ARRDC5: variants seen among roughly 807,000 people sequenced by gnomAD.
ARRDC5 encodes the protein arrestin domain-containing protein 5.
ARRDC5 carries 12 observed loss-of-function variants against 13.3 expected under a neutral mutation model. That is an observed-to-expected ratio of 0.90 (90% CI 0.58 to 1.46). The LOEUF (loss-of-function observed/expected upper bound fraction) is 1.46. ARRDC5 is among the 40% of genes most tolerant of loss of function. ARRDC5 has a pLI of 0.00. For missense variants in ARRDC5, 406 were observed against 418.7 expected (o/e 0.97, Z 0.26); for synonymous variants, 181 against 173.4 (o/e 1.04, Z -0.34).
At chr19:4,914,771 C>T in the ARRDC5 span, among the ~76,000 whole-genome samples, 10 of 152,130 alleles carry the variant, frequency 6.6e-5, no homozygotes, top group Non-Finnish European at 1.2e-4. Context: ...ATCCCTGGCC[C>T]GCGACTCGCC....
the ARRDC5 span, among the ~76,000 whole-genome samples, chr19:4,912,673 A>T: frequency 6.6e-6 from 1 of 152,144 alleles, no homozygotes; most frequent in African/African-American, 2.4e-5. Flanking sequence ...TAAGTTGCAG[A>T]CACCAGTCCA....
At position 4,902,461 on chromosome 19, in the gene ARRDC5, C is replaced by A. The variant is rs184322718; in HGVS notation, c.253+112G>T. On this transcript the variant is annotated intron_variant, in intron 1 of 2. Transcript: ENST00000650722. ...CCTCCCTCCTAGGGAGAAATCAGGC[C>A]ACTCCCTATTTCTGATAGCCCTAGA... is the stretch of plus-strand genomic sequence containing the variant. 9.7e-6 allele frequency: 10 copies of A among 1,033,774 alleles called. No homozygotes were observed. The East Asian group carries it at 1.9e-4, about 20-fold the overall frequency. 64.0% of individuals were successfully genotyped at this position (1,033,774 alleles called of 1,614,324 possible). A position where few individuals can be genotyped will look rare whatever the true frequency, so the allele number is the denominator to read the frequency against.
At chr19:4,910,135 G>C in the ARRDC5 span, 5 of 152,154 alleles carry the variant, frequency 3.3e-5, no homozygotes, top group African/African-American at 1.2e-4. Context: ...CCCGGCGGCG[G>C]GGGTGGGCGT....
the ARRDC5 span, among the ~76,000 whole-genome samples, chr19:4,912,611 CTCTG>C: frequency 7.2e-5 from 11 of 152,312 alleles, no homozygotes; most frequent in African/African-American, 1.7e-4. Context: ...TCTTGAAGCG[CTCTG>C]TCTTTCTCTC....
At chr19:4,897,493 G>A (rs2031774240) in intron 1 of ARRDC5, among the ~76,000 whole-genome samples, 1 of 152,114 alleles carries the variant, frequency 6.6e-6, no homozygotes, top group African/African-American at 2.4e-5. Context: ...TGGAAGTCAG[G>A]CCTTCAGGGT....
chr19:4,892,499 G>T (rs945627390), intron 2 of ARRDC5, among the ~76,000 whole-genome samples: 1 of 150,900 alleles, frequency 6.6e-6, no homozygotes. Context: ...CAAGTAGCAG[G>T]GACCACAGGC....
At chr19:4,893,999 G>A (rs1372412614) in intron 2 of ARRDC5, among the ~76,000 whole-genome samples, 1 of 147,702 alleles carries the variant, frequency 6.8e-6, no homozygotes, top group Non-Finnish European at 1.5e-5. Context: ...AGTGAGCCGA[G>A]ATAGCGCCAC....
rs780849327 is a variant in ARRDC5 at position 4,896,744 on chromosome 19, T to C, written c.386A>G (p.His129Arg). 2 of 1,613,896 alleles carry C rather than the reference T, an allele frequency of 1.2e-6. No homozygotes were observed. The highest frequency in any genetic ancestry group is 1.7e-5 in the Admixed American group (1 of 59,988). ...FVQASCMGRE[H>R]ILAKKRMYLL... is the part of the protein sequence containing the mutation. Reference sequence around the variant, plus strand: ...GTACATCCTCTTCTTGGCTAAAATGTGTTCCCTGCCCATGCAGGAAGCTTG... The same window carrying C: ...GTACATCCTCTTCTTGGCTAAAATGCGTTCCCTGCCCATGCAGGAAGCTTG... The change falls in exon 2 of 3, where the codon CAC becomes CGC. Residue 129 changes from histidine (H) to arginine (R), a missense_variant. His to Arg is a conservative substitution (Grantham distance 29). Coordinates refer to ENST00000650722, the MANE Select transcript of ARRDC5 (RefSeq NM_001080523.3).
intron 2 of ARRDC5, among the ~76,000 whole-genome samples, chr19:4,896,327 A>AT (rs1244498156): frequency 0.011 from 766 of 69,950 alleles, 22 homozygotes; most frequent in East Asian, 0.028. Flanking sequence ...AAAAAAAAAA[A>AT]AAATATATAT....
At chr19:4,896,351 T>A (rs1246320659) in intron 2 of ARRDC5, among the ~76,000 whole-genome samples, 1,475 of 39,928 alleles carry the variant, frequency 0.037, 86 homozygotes, top group African/African-American at 0.084. Context: ...TATATATATT[T>A]TTTTTTTTTT....
rs56397336 is a variant in ARRDC5 at position 4,896,360 on chromosome 19, TTAC to T, written c.459+308_459+310del. ...TATATATATATATATTTTTTTTTTT[TTAC>T]ACACACACACACACACACACACACA... On this transcript the variant is annotated intron_variant, in intron 2 of 2. Transcript: ENST00000650722. Among the ~76,000 whole-genome samples the T allele has an allele frequency of 7.6e-3, 535 of 70,236 alleles. 3 individuals are homozygous for T. The highest frequency in any genetic ancestry group is 9.4e-3 in the South Asian group (18 of 1,914). The allele number at this position is 70,236 out of a possible 152,430, so 46.1% of individuals were successfully genotyped here. A position where few individuals can be genotyped will look rare whatever the true frequency, so the allele number is the denominator to read the frequency against.
In ARRDC5 at chr19:4,896,710, A is replaced by C. The variant is rs578138053; in HGVS notation, c.420T>G (p.Val140=). ...ILAKKRMYLL[V]QGTSTFHKET... ...CTTTGTGGAAGGTGGAAGTTCCTTG[A>C]ACCAATAAGTACATCCTCTTCTTGG... The change falls in exon 2 of 3, where the codon GTT becomes GTG. Residue 140 remains valine, a synonymous_variant. Coordinates refer to ENST00000650722, the MANE Select transcript of ARRDC5 (RefSeq NM_001080523.3). 7 of 1,613,710 alleles carry C rather than the reference A, an allele frequency of 4.3e-6. No homozygotes were observed. The highest frequency in any genetic ancestry group is 3.3e-5 in the Admixed American group (2 of 59,964).
At chr19:4,907,442 T>C (rs1224580126), upstream of ARRDC5, among the ~76,000 whole-genome samples, 1 of 151,726 alleles carries the variant, frequency 6.6e-6, no homozygotes, top group Non-Finnish European at 1.5e-5. Flanking sequence ...CTAATTTTTG[T>C]ATTTTTAGTA....
upstream of ARRDC5, chr19:4,903,031 T>TTTTCACTGGTTC (rs796386944): frequency 6.3e-3 from 2,808 of 446,378 alleles, 2 homozygotes; most frequent in South Asian, 0.011. Context: ...CACTGGTTCT[T>TTTTCACTGGTTC]TTTTTTTTTT....
chr19:4,912,190 G>T, the ARRDC5 span, among the ~76,000 whole-genome samples: 31 of 152,282 alleles, frequency 2.0e-4, no homozygotes, highest in African/African-American at 7.2e-4. Flanking sequence ...GGAGAACTTG[G>T]GGAGTTGACG....
Position 4,902,841 on chromosome 19 carries a change from A to T in ARRDC5, c.-16T>A. 1 of 1,613,842 alleles carries T rather than the reference A, an allele frequency of 6.2e-7. No homozygotes were observed. Among genetic ancestry groups the T allele is most frequent in the Non-Finnish European group, 8.5e-7 (1 of 1,179,874 alleles). On this transcript the variant is annotated 5_prime_UTR_variant, in exon 1 of 3. Coordinates refer to ENST00000650722, the MANE Select transcript of ARRDC5 (RefSeq NM_001080523.3). Reference sequence around the variant, plus strand: ...CCACAGACATGGGGGGTTGGGGGGTAGAGAGACATTCCTCTCTGTCCCCCA... The same window carrying T: ...CCACAGACATGGGGGGTTGGGGGGTTGAGAGACATTCCTCTCTGTCCCCCA...
chr19:4,910,203 C>T, the ARRDC5 span: 1 of 151,216 alleles, frequency 6.6e-6, no homozygotes, highest in African/African-American at 2.4e-5. Context: ...CGCCGAGGGT[C>T]CAGGGTTTGG....
the ARRDC5 span, chr19:4,909,586 C>T: frequency 1.5e-6 from 1 of 652,090 alleles, no homozygotes; most frequent in Non-Finnish European, 2.8e-6. Context: ...GGGCCACGCA[C>T]GCGGTTTCAT....
At chr19:4,910,995 A>G in the ARRDC5 span, 1 of 1,611,796 alleles carries the variant, frequency 6.2e-7, no homozygotes, top group Non-Finnish European at 8.5e-7. Context: ...GAGCTGTTCC[A>G]CGTGGAGCCA....
Sources: allele counts gnomAD v4.1 joint callset (sites outside exome capture counted in the v4.1 genomes callset), GRCh38; gene constraint gnomAD v4.1.1; transcripts MANE v1.5; gene names NCBI Gene and HGNC (gene_info 2026-07-23, HGNC 2026-07-21).